Variants in CYRIB observed in about 807,000 individuals in gnomAD.
The protein encoded by CYRIB is CYFIP-related Rac1 interactor B.
In CYRIB, 8 loss-of-function variants were observed where a neutral mutation model predicts 44.2. That is an observed-to-expected ratio of 0.18 (90% CI 0.11 to 0.33). The LOEUF is 0.33. CYRIB is among the 10% of genes least tolerant of loss of function. The pLI is 1.00. For synonymous variants in CYRIB, 131 were observed against 127.2 expected, an observed-to-expected ratio of 1.03 and a Z score of -0.20; for missense variants, 185 against 382.8, an observed-to-expected ratio of 0.48 and a Z score of 4.31.
intron 5 of CYRIB, among the ~76,000 whole-genome samples, chr8:129,860,396 CAG>C (rs1564214936): frequency 1.3e-5 from 2 of 152,100 alleles, no homozygotes; most frequent in Admixed American, 6.5e-5. Context: ...ACAACCAAGA[CAG>C]AAAACCTAGG....
chr8:129,867,400 C>T (rs2054295260), intron 4 of CYRIB, among the ~76,000 whole-genome samples: 1 of 134 alleles, frequency 7.5e-3, no homozygotes, highest in African/African-American at 0.028. Context: ...GCTAGGATTA[C>T]AGGGTGTGTG....
At chr8:129,929,705 T>C (rs1461602362) in intron 1 of CYRIB, among the ~76,000 whole-genome samples, 1 of 152,174 alleles carries the variant, frequency 6.6e-6, no homozygotes, top group Non-Finnish European at 1.5e-5. Flanking sequence ...TTATCCCCAT[T>C]ATATAAGTGA....
chr8:129,979,316 C>T (rs980075361), intron 1 of CYRIB, among the ~76,000 whole-genome samples: 1 of 151,938 alleles, frequency 6.6e-6, no homozygotes, highest in Non-Finnish European at 1.5e-5. Flanking sequence ...TTCTTGGGTC[C>T]ACTACAAGTT....
intron 2 of CYRIB, among the ~76,000 whole-genome samples, chr8:129,895,408 A>G (rs2067536841): frequency 8.6e-6 from 1 of 116,748 alleles, no homozygotes; most frequent in Non-Finnish European, 2.0e-5. Flanking sequence ...GTTGTTTGTC[A>G]TAACAGTCCA....
intron 1 of CYRIB, among the ~76,000 whole-genome samples, chr8:130,007,158 GT>G (rs2097121066): frequency 6.6e-6 from 1 of 152,154 alleles, no homozygotes; most frequent in Non-Finnish European, 1.5e-5. Context: ...CGAGTTTGCA[GT>G]AGGTGGTTCT....
At chr8:129,871,301 C>G (rs1450176577) in intron 4 of CYRIB, 74 bp downstream of exon 6, 1 of 1,495,946 alleles carries the variant, frequency 6.7e-7, no homozygotes, top group Non-Finnish European at 8.9e-7. Flanking sequence ...ATTCTGAAGT[C>G]TAGAAAACAA....
intron 1 of CYRIB, among the ~76,000 whole-genome samples, chr8:130,005,261 G>A (rs569785299): frequency 3.3e-5 from 5 of 152,218 alleles, no homozygotes; most frequent in East Asian, 1.9e-4. Flanking sequence ...AGGAACCAGC[G>A]GAAAATCAGC....
chr8:129,927,213 A>C (rs1347962675), intron 1 of CYRIB, among the ~76,000 whole-genome samples: 1 of 151,994 alleles, frequency 6.6e-6, no homozygotes, highest in African/African-American at 2.4e-5. Flanking sequence ...AATCGCTTGA[A>C]CCCAGGAGGC....
intron 1 of CYRIB, among the ~76,000 whole-genome samples, chr8:129,916,092 A>G (rs1368546809): frequency 6.6e-6 from 1 of 152,206 alleles, no homozygotes; most frequent in Non-Finnish European, 1.5e-5. Flanking sequence ...AGACCCAGAA[A>G]GGTTAAATTT....
intron 1 of CYRIB, among the ~76,000 whole-genome samples, chr8:129,977,323 C>T (rs1003633059): frequency 6.6e-6 from 1 of 152,182 alleles, no homozygotes; most frequent in African/African-American, 2.4e-5. Flanking sequence ...ATGGCTCACA[C>T]ATGAACTCTG....
intron 1 of CYRIB, among the ~76,000 whole-genome samples, chr8:129,913,665 C>G (rs556731733): frequency 2.0e-5 from 3 of 152,336 alleles, no homozygotes; most frequent in African/African-American, 7.2e-5. Flanking sequence ...TTGAGTAGCA[C>G]TAGTATAAAT....
chr8:129,897,259 C>T (rs755009104), intron 2 of CYRIB, among the ~76,000 whole-genome samples: 39 of 152,176 alleles, frequency 2.6e-4, no homozygotes, highest in Non-Finnish European at 4.4e-4. Flanking sequence ...CTCTACATGA[C>T]TTAAATTTTA....
chr8:129,912,003 CAAGT>C (rs1181554365), intron 1 of CYRIB, among the ~76,000 whole-genome samples: 1 of 152,082 alleles, frequency 6.6e-6, no homozygotes, highest in Non-Finnish European at 1.5e-5. Flanking sequence ...TCTGTGAAAA[CAAGT>C]AAGTACCTTA....
chr8:129,925,376 A>G (rs974190837), intron 1 of CYRIB, among the ~76,000 whole-genome samples: 11 of 152,118 alleles, frequency 7.2e-5, no homozygotes, highest in African/African-American at 2.7e-4. Context: ...TGGGTGACAG[A>G]GCGAGACTCC....
chr8:130,009,392 CG>C (rs201667997), intron 1 of CYRIB, among the ~76,000 whole-genome samples: 2,373 of 152,080 alleles, frequency 0.016, 72 homozygotes, highest in African/African-American at 0.054. Flanking sequence ...CTCAGCCTCC[CG>C]AGTAGCTGGG....
At chr8:129,968,278 T>C (rs2095561493) in intron 2 of CYRIB, among the ~76,000 whole-genome samples, 1 of 152,250 alleles carries the variant, frequency 6.6e-6, no homozygotes, top group Non-Finnish European at 1.5e-5. Context: ...TAATCTGTCA[T>C]TTAACTCTTT....
At position 129,960,962 on chromosome 8, in the gene CYRIB, A is replaced by AG. The variant is rs1554714378; in HGVS notation, c.-243+9980_-243+9981insC. 2.1e-3 allele frequency among the ~76,000 whole-genome samples: 313 copies of AG among 150,008 alleles called. 1 individual carries two copies. Among genetic ancestry groups the AG allele is most frequent in the African/African-American group, 7.1e-3 (292 of 40,994 alleles). On this transcript the variant is annotated intron_variant, in intron 2 of 14. Transcript: ENST00000401979. ...AAGACTCAGTCTCAAAAAAAAAAAA[A>AG]AAAGAAAGAAAGAAAGAAAGAAACT...
At chr8:129,854,542 G>A (rs190773778) in intron 6 of CYRIB, among the ~76,000 whole-genome samples, 199 bp from the exon 9 acceptor site, 41 of 152,230 alleles carry the variant, frequency 2.7e-4, no homozygotes, top group African/African-American at 8.7e-4. Flanking sequence ...AAAGACCACA[G>A]GCAGTATACT....
chr8:129,852,822 A>C (rs1289990432), intron 7 of CYRIB, among the ~76,000 whole-genome samples: 1 of 152,236 alleles, frequency 6.6e-6, no homozygotes, highest in Admixed American at 6.5e-5. Context: ...GCAACCAACG[A>C]AAGATACAGG....
Sources: allele counts gnomAD v4.1 joint callset (sites outside exome capture counted in the v4.1 genomes callset), GRCh38; gene constraint gnomAD v4.1.1; transcripts MANE v1.5; gene names NCBI Gene and HGNC (gene_info 2026-07-23, HGNC 2026-07-21).